The following DLST variants were observed in gnomAD, a reference collection of about 807,000 sequenced individuals.
DLST encodes the protein dihydrolipoyllysine-residue succinyltransferase component of 2-oxoglutarate dehydrogenase complex, mitochondrial.
Under a neutral mutation model 53.1 loss-of-function variants are expected in DLST, and 17 were observed. The observed-to-expected ratio is 0.32, with a 90% CI of 0.22 to 0.48. The LOEUF (loss-of-function observed/expected upper bound fraction) is 0.48. DLST is among the 20% of genes least tolerant of loss of function. DLST has a pLI of 0.99. For missense variants in DLST, 512 were observed against 583.9 expected (o/e 0.88, Z 1.27); for synonymous variants, 206 against 204.8 (o/e 1.01, Z -0.05).
chr14:74,889,588 C>A, intron 5 of DLST: 4 of 539,338 alleles, frequency 7.4e-6, no homozygotes, highest in Non-Finnish European at 1.3e-5. Context: ...TCAGGCTGGT[C>A]TCAAACTCCT....
intron 11 of DLST, 98 bp downstream of exon 11, chr14:74,898,597 T>C (rs1348064630): frequency 1.4e-6 from 2 of 1,405,736 alleles, no homozygotes; most frequent in African/African-American, 2.9e-5. Flanking sequence ...CCAAGGCTTT[T>C]TATTTGCTAC....
intron 3 of DLST, among the ~76,000 whole-genome samples, chr14:74,886,743 C>A (rs1415225483): frequency 1.3e-5 from 2 of 151,540 alleles, no homozygotes; most frequent in African/African-American, 2.4e-5. Context: ...TGTACCTTTT[C>A]TTTTTTTCTT....
At chr14:74,890,908 C>T in intron 6 of DLST, 148 bp from the exon 7 acceptor site, 2 of 1,081,484 alleles carry the variant, frequency 1.8e-6, no homozygotes, top group Non-Finnish European at 2.5e-6. Context: ...GAACTCCTGA[C>T]CTCAAGTGAT....
chr14:74,885,503 G>C (rs1883671391), intron 2 of DLST, 83 bp from the exon 3 acceptor site: 1 of 1,358,090 alleles, frequency 7.4e-7, no homozygotes, highest in Non-Finnish European at 1.1e-6. Flanking sequence ...TCAGGGTTGG[G>C]GGTGAGCAGA....
chr14:74,895,536 G>C (rs1054141803), intron 10 of DLST, among the ~76,000 whole-genome samples: 3 of 152,070 alleles, frequency 2.0e-5, no homozygotes, highest in African/African-American at 7.2e-5. Context: ...AAGGAGGATC[G>C]CTTGAGCTTA....
chr14:74,895,862 C>T (rs1884061990), intron 10 of DLST, among the ~76,000 whole-genome samples: 1 of 151,652 alleles, frequency 6.6e-6, no homozygotes, highest in African/African-American at 2.4e-5. Flanking sequence ...CGCCACTGCA[C>T]TCCAGCCTGG....
In DLST at chr14:74,901,070, G is replaced by A. The variant is rs147439947; in HGVS notation, c.1064G>A (p.Arg355Gln). ...RTITELGEKA[R>Q]KNELAIEDMD... ...AATTATGAAATCTGTTTTTAGGCCC[G>A]AAAGAATGAACTTGCCATTGAAGAT... Residue 355 changes from arginine (R) to glutamine (Q), a missense_variant, in exon 14 of 15, where the codon CGA becomes CAA. Physicochemically the swap from Arg to Gln is conservative, Grantham distance 43. This residue lies in a region of DLST where 186 missense variants were observed against 260.4 expected (regional missense o/e 0.71). Transcript: ENST00000334220. The A allele has an allele frequency of 8.2e-5, 133 of 1,613,468 alleles. No homozygotes were observed. Among genetic ancestry groups the A allele is most frequent in the East Asian group, 1.1e-4 (5 of 44,874 alleles).
rs760956799 is a variant in DLST at position 74,885,646 on chromosome 14, T to C, written c.146+12T>C. On this transcript the variant is annotated intron_variant, in intron 3 of 14. Transcript: ENST00000334220. ...AGCAGGAAGGTTGTGTAAGTATCAC[T>C]GGGGAGTACAGATATGTGGCCACGG... is the stretch of plus-strand genomic sequence containing the variant. 4 of 1,609,716 alleles carry C rather than the reference T, an allele frequency of 2.5e-6. No homozygotes were observed. The highest frequency in any genetic ancestry group is 1.7e-6 in the Non-Finnish European group (2 of 1,178,160).
intron 10 of DLST, among the ~76,000 whole-genome samples, 156 bp from the exon 11 acceptor site, chr14:74,898,213 G>T (rs941516353): frequency 1.3e-5 from 2 of 152,152 alleles, no homozygotes; most frequent in Non-Finnish European, 2.9e-5. Flanking sequence ...CAGAGTTACT[G>T]TGTTAACCTC....
At chr14:74,882,258 C>G (rs1305497873) in intron 1 of DLST, among the ~76,000 whole-genome samples, 1 of 152,194 alleles carries the variant, frequency 6.6e-6, no homozygotes, top group African/African-American at 2.4e-5. Context: ...GTACCCCACC[C>G]TCCGCGCGGG....
intron 10 of DLST, among the ~76,000 whole-genome samples, chr14:74,896,386 A>G (rs1884078532): frequency 6.6e-6 from 1 of 152,244 alleles, no homozygotes; most frequent in East Asian, 1.9e-4. Flanking sequence ...AGGAGTTTAT[A>G]TTTAATTCAG....
At chr14:74,884,501 GA>G (rs1300188788) in intron 2 of DLST, among the ~76,000 whole-genome samples, 1 of 152,174 alleles carries the variant, frequency 6.6e-6, no homozygotes, top group Non-Finnish European at 1.5e-5. Flanking sequence ...TATGAAATGG[GA>G]ATAATGGCAG....
chr14:74,892,398 C>A (rs935233443), intron 7 of DLST, among the ~76,000 whole-genome samples: 1 of 152,020 alleles, frequency 6.6e-6, no homozygotes, highest in Non-Finnish European at 1.5e-5. Context: ...CAACTGCACC[C>A]AGCCTATTTT....
At position 74,894,320 on chromosome 14, in the gene DLST, G is replaced by A. The variant is rs768126108; in HGVS notation, c.681G>A (p.Met227Ile). The change falls in exon 10 of 15, where the codon ATG becomes ATA. Residue 227 changes from methionine (M) to isoleucine (I), a missense_variant. Met to Ile is a conservative substitution (Grantham distance 10). Coordinates refer to ENST00000334220, the MANE Select transcript of DLST (RefSeq NM_001933.5). Reference sequence around the variant, plus strand: ...TCCACTCTTACTTTCAGGAGAAAATGAACAGGATGCGGCAGCGCATTGCTC... The same window carrying A: ...TCCACTCTTACTTTCAGGAGAAAATAAACAGGATGCGGCAGCGCATTGCTC... ...KGLRSEHREK[M>I]NRMRQRIAQR... 2 of 1,614,012 alleles carry A rather than the reference G, an allele frequency of 1.2e-6. No individual in the cohort carries two copies. The highest frequency in any genetic ancestry group is 1.1e-5 in the South Asian group (1 of 91,034).
chr14:74,885,174 G>A lies in DLST; in HGVS notation c.98-412G>A, dbSNP rs139136442. On this transcript the variant is annotated intron_variant, in intron 2 of 14. Transcript: ENST00000334220. ...AAACATCCTCCTTGCTTCTCAAATT[G>A]GGTTATGTATAGTCACAGGATAAGC... Among the ~76,000 whole-genome samples the A allele has an allele frequency of 6.6e-4, 100 of 152,296 alleles. No homozygotes were observed. The East Asian group carries it at 0.016, about 24-fold the overall frequency.
At position 74,898,490 on chromosome 14, in the gene DLST, G is replaced by T. The variant is rs1884142020; in HGVS notation, c.892G>T (p.Val298Leu). Reference sequence around the variant, plus strand: ...CTTTGCCTTGCAGGAACAGCCTGTTGTAAATGCAGGTGAGTTGCTTGTGGC... The same window carrying T: ...CTTTGCCTTGCAGGAACAGCCTGTTTTAAATGCAGGTGAGTTGCTTGTGGC... The part of the protein sequence containing the change: ...SAFALQEQPV[V>L]NAVIDDTTKE... The change falls in exon 11 of 15, where the codon GTA (valine) becomes TTA (leucine). Residue 298 changes from valine (V) to leucine (L), a missense_variant. This residue lies in a region of DLST where 186 missense variants were observed against 260.4 expected (regional missense o/e 0.71). Transcript: ENST00000334220. The T allele has an allele frequency of 3.7e-6, 6 of 1,614,116 alleles. No homozygotes were observed. The highest frequency in any genetic ancestry group is 5.1e-6 in the Non-Finnish European group (6 of 1,179,984).
At chr14:74,888,598 C>T (rs1883788156) in intron 3 of DLST, among the ~76,000 whole-genome samples, 1 of 151,902 alleles carries the variant, frequency 6.6e-6, no homozygotes, top group Non-Finnish European at 1.5e-5. Flanking sequence ...TCCCAGCTAC[C>T]CGGGAGGCAG....
At chr14:74,890,073 A>C in intron 6 of DLST, 121 bp downstream of exon 6, 2 of 727,136 alleles carry the variant, frequency 2.8e-6, no homozygotes, top group African/African-American at 1.8e-5. Context: ...CTTCAGTTGT[A>C]AAATTATTGG....
Position 74,889,965 on chromosome 14 carries a change from T to G in DLST, c.330+13T>G, listed in dbSNP as rs1347844627. The G allele has an allele frequency of 1.2e-6, 2 of 1,612,230 alleles. No homozygotes were observed. Among genetic ancestry groups the G allele is most frequent in the Non-Finnish European group, 1.7e-6 (2 of 1,179,052 alleles). On this transcript the variant is annotated intron_variant, in intron 6 of 14. Transcript: ENST00000334220. ...TGAAACTGACAAGGTAGGCTTATCT[T>G]ATATTCGTACCAGCTTTTCATGGGC...
Sources: gnomAD v4.1 joint callset for allele counts (sites outside exome capture counted in the v4.1 genomes callset) on GRCh38, gnomAD v4.1.1 for gene constraint, gnomAD v4.1.1 regional missense constraint, MANE v1.5 for transcripts, NCBI Gene and HGNC (gene_info 2026-07-23, HGNC 2026-07-21) for gene names.